Variants in CD44 observed in about 807,000 individuals in gnomAD.
CD44 encodes CD44 molecule (IN blood group).
A neutral mutation model predicts 88.8 loss-of-function variants in CD44; 49 were observed. The observed-to-expected ratio is 0.55, with a 90% CI of 0.44 to 0.70. The LOEUF (loss-of-function observed/expected upper bound fraction) is 0.70, where lower values mean the gene tolerates loss of function less well. Among genes scored for constraint, CD44 ranks in the 30% least tolerant of loss-of-function variants. The probability of loss-of-function intolerance (pLI) is 0.00; values close to 1 mark genes in which losing one functional copy is unlikely to be tolerated. For synonymous variants in CD44, 325 were observed against 312.3 expected (o/e 1.04, Z -0.43); for missense variants, 883 against 913.8 (o/e 0.97, Z 0.43).
chr11:35,161,329 T>C (rs1005703629), intron 1 of CD44, among the ~76,000 whole-genome samples: 2 of 152,178 alleles, frequency 1.3e-5, no homozygotes, highest in African/African-American at 4.8e-5. Context: ...AAACATAGCA[T>C]GCATAACATC....
rs1949927905 is a variant in CD44 at position 35,229,125 on chromosome 11, T to C, written c.2025-4T>C. 1 of 1,609,990 alleles carries C rather than the reference T, an allele frequency of 6.2e-7. No individual in the cohort carries two copies. Among genetic ancestry groups the C allele is most frequent in the Admixed American group, 1.7e-5 (1 of 59,308 alleles). On this transcript the variant is annotated splice_region_variant and splice_polypyrimidine_tract_variant and intron_variant, in intron 17 of 17. Transcript: ENST00000428726. ...CTGATATGGTACATTTTTTAAATTA[T>C]TAGGTGTGGGCAGAAGAAAAAGCTA...
rs188097983 is a variant in CD44 at position 35,150,205 on chromosome 11, A to G, written c.67+10835A>G. Among the ~76,000 whole-genome samples the G allele has an allele frequency of 2.3e-3, 357 of 152,342 alleles. 2 individuals are homozygous for G. The highest frequency in any genetic ancestry group is 5.1e-3 in the Admixed American group (78 of 15,308). On this transcript the variant is annotated intron_variant, in intron 1 of 17. Transcript: ENST00000428726. ...GCAACCCCTGTAACTTGTTGGCACA[A>G]AATTAACCACAATATTCAGACAAAG...
At chr11:35,194,770 T>C (rs1213572183) in intron 5 of CD44, among the ~76,000 whole-genome samples, 1 of 152,196 alleles carries the variant, frequency 6.6e-6, no homozygotes, top group Non-Finnish European at 1.5e-5. Context: ...ATCAGAATGA[T>C]TTTTCCATCA....
chr11:35,155,005 A>C (rs916405447), intron 1 of CD44, among the ~76,000 whole-genome samples: 5 of 152,186 alleles, frequency 3.3e-5, no homozygotes, highest in Non-Finnish European at 7.3e-5. Flanking sequence ...CCACAGTTCC[A>C]GGCATCCTAG....
At position 35,178,429 on chromosome 11, in the gene CD44, G is replaced by A. The variant is rs150102845; in HGVS notation, c.233+1689G>A. Reference sequence around the variant, plus strand: ...ATGGATGAAGCAGCCGAGGCTTAGCGAATTTGCACACACAGCCTGCCTATG... The same window carrying A: ...ATGGATGAAGCAGCCGAGGCTTAGCAAATTTGCACACACAGCCTGCCTATG... On this transcript the variant is annotated intron_variant, in intron 2 of 17. Coordinates refer to ENST00000428726, the MANE Select transcript of CD44 (RefSeq NM_000610.4). Among the ~76,000 whole-genome samples the A allele has an allele frequency of 4.3e-4, 66 of 152,286 alleles. 1 individual carries two copies. In the East Asian group the frequency reaches 0.012, roughly 28 times the overall value.
intron 5 of CD44, among the ~76,000 whole-genome samples, chr11:35,191,307 C>T (rs1222318219): frequency 6.6e-6 from 1 of 152,206 alleles, no homozygotes; most frequent in Non-Finnish European, 1.5e-5. Context: ...CAGTCTCTGG[C>T]TGAGGGCATG....
At chr11:35,181,047 G>A (rs1457181939) in intron 3 of CD44, among the ~76,000 whole-genome samples, 1 of 152,202 alleles carries the variant, frequency 6.6e-6, no homozygotes, top group Non-Finnish European at 1.5e-5. Flanking sequence ...AGCTAACGGG[G>A]TGATTCATTC....
Position 35,229,216 on chromosome 11 carries a change from C to G in CD44, c.2112C>G (p.Ser704Arg). 6.2e-7 allele frequency: 1 copy of G among 1,613,978 alleles called. No individual in the cohort carries two copies. The highest frequency in any genetic ancestry group is 1.3e-5 in the African/African-American group (1 of 75,030). The stretch of plus-strand genomic sequence containing the variant: ...CAAGTGGACTCAACGGAGAGGCCAG[C>G]AAGTCTCAGGAAATGGTGCATTTGG... ...RKPSGLNGEA[S>R]KSQEMVHLVN... is the part of the protein sequence containing the mutation. The change falls in exon 18 of 18, where the codon AGC (serine) becomes AGG (arginine). Residue 704 changes from serine to arginine, a missense_variant. By Grantham distance (110) the Ser-to-Arg change is moderately radical. This residue lies in a region of CD44 where 631 missense variants were observed against 590.9 expected (regional missense o/e 1.07). Transcript: ENST00000428726.
intron 1 of CD44, among the ~76,000 whole-genome samples, chr11:35,161,116 C>G (rs562468650): frequency 6.6e-6 from 1 of 152,186 alleles, no homozygotes; most frequent in East Asian, 1.9e-4. Context: ...GTAAGAGGCA[C>G]TTTACTTTTA....
chr11:35,185,766 G>A (rs1440604598), intron 3 of CD44, among the ~76,000 whole-genome samples: 3 of 152,200 alleles, frequency 2.0e-5, no homozygotes, highest in Non-Finnish European at 4.4e-5. Context: ...GGCAAAACCA[G>A]TTTAAAGCTC....
In CD44 at chr11:35,157,309, A is replaced by ATCTGTCTG. The variant is rs58721511; in HGVS notation, c.67+17947_67+17954dup. Reference sequence around the variant, plus strand: ...AACCTTGTCTATCATCTATCCATCTATCTGTCTGTCTGTCTATCTATCTAT... The same window carrying ATCTGTCTG: ...AACCTTGTCTATCATCTATCCATCTATCTGTCTGTCTGTCTGTCTGTCTATCTATCTAT... On this transcript the variant is annotated intron_variant, in intron 1 of 17. Transcript: ENST00000428726. Among the ~76,000 whole-genome samples, 195 of 138,880 alleles carry ATCTGTCTG rather than the reference A, an allele frequency of 1.4e-3. 1 individual carries two copies. The highest frequency in any genetic ancestry group is 5.6e-3 in the South Asian group (24 of 4,272). 91.1% of individuals were successfully genotyped at this position (138,880 alleles called of 152,430 possible). A position where few individuals can be genotyped will look rare whatever the true frequency, so the allele number is the denominator to read the frequency against.
chr11:35,200,983 T>C lies in CD44; in HGVS notation c.923-99T>C, dbSNP rs544404667. The C allele has an allele frequency of 1.9e-5, 16 of 854,110 alleles. No individual in the cohort carries two copies. In the South Asian group the frequency reaches 2.2e-4, roughly 12 times the overall value. The allele number at this position is 854,110 out of a possible 1,614,324, so 52.9% of individuals were successfully genotyped here. ...CATCTATACAACCTGGTATAGATGA[T>C]TCATTGCATAGCCTACAGAAGCAAG... On this transcript the variant is annotated intron_variant, in intron 7 of 17. Transcript: ENST00000428726.
At chr11:35,207,077 C>T (rs1238431085) in intron 11 of CD44, among the ~76,000 whole-genome samples, 2 of 152,176 alleles carry the variant, frequency 1.3e-5, no homozygotes, top group East Asian at 3.8e-4. Flanking sequence ...GTCTAGAGCC[C>T]ATCATCAAGT....
chr11:35,209,658 A>G (rs2134169365), intron 12 of CD44, among the ~76,000 whole-genome samples: 1 of 152,264 alleles, frequency 6.6e-6, no homozygotes, highest in East Asian at 1.9e-4. Context: ...TTCTGGAGTG[A>G]CTGGGAGCAA....
In CD44 at chr11:35,222,422, T is replaced by A. The variant is rs915276970; in HGVS notation, c.2024+690T>A. The A allele has an allele frequency of 5.4e-6, 7 of 1,295,980 alleles. No individual in the cohort carries two copies. The Admixed American group carries it at 1.7e-4, about 31-fold the overall frequency. The allele number at this position is 1,295,980 out of a possible 1,614,324, so 80.3% of individuals were successfully genotyped here. A position where few individuals can be genotyped will look rare whatever the true frequency, so the allele number is the denominator to read the frequency against. ...ATAAGAAGAGCACTGTTTCATCGTC[T>A]TCTTGCTGTTAGGAGGTCTATGAAG... On this transcript the variant is annotated intron_variant, in intron 17 of 17. Transcript: ENST00000428726.
chr11:35,205,978 C>T, intron 10 of CD44, 134 bp from the exon 11 acceptor site: 1 of 1,325,956 alleles, frequency 7.5e-7, no homozygotes, highest in Non-Finnish European at 9.7e-7. Context: ...ATGCAACTTC[C>T]TTGCCCTCTA....
In CD44 at chr11:35,201,802, G is replaced by T; in HGVS notation, c.1153+15G>T. 1 of 1,612,874 alleles carries T rather than the reference G, an allele frequency of 6.2e-7. No individual in the cohort carries two copies. Among genetic ancestry groups the T allele is most frequent in the Non-Finnish European group, 8.5e-7 (1 of 1,179,222 alleles). Reference sequence around the variant, plus strand: ...TACAAGCACAAGTAAGCAAGATGGCGGTCGGCAGTTCTGGGTTAGATGAAT... The same window carrying T: ...TACAAGCACAAGTAAGCAAGATGGCTGTCGGCAGTTCTGGGTTAGATGAAT... On this transcript the variant is annotated intron_variant, in intron 9 of 17. Coordinates refer to ENST00000428726, the MANE Select transcript of CD44 (RefSeq NM_000610.4).
At chr11:35,143,521 G>A (rs1858430399) in intron 1 of CD44, among the ~76,000 whole-genome samples, 1 of 152,136 alleles carries the variant, frequency 6.6e-6, no homozygotes, top group Admixed American at 6.5e-5. Flanking sequence ...CAGTGGTGGA[G>A]TTGGGATTTC....
chr11:35,220,050 G>C (rs1053130066), intron 16 of CD44, among the ~76,000 whole-genome samples: 7 of 152,188 alleles, frequency 4.6e-5, no homozygotes, highest in Non-Finnish European at 1.0e-4. Flanking sequence ...AAAGGGAAGG[G>C]TTCTCCTAAG....
Sources: gnomAD v4.1 joint callset for allele counts (sites outside exome capture counted in the v4.1 genomes callset) on GRCh38, gnomAD v4.1.1 for gene constraint, gnomAD v4.1.1 regional missense constraint, MANE v1.5 for transcripts, NCBI Gene and HGNC (gene_info 2026-07-23, HGNC 2026-07-21) for gene names.